Variants in GAB4 observed in about 807,000 individuals in gnomAD.
GAB4 encodes the protein GRB2 associated binding protein family member 4, also known as GRB2-associated-binding protein 4.
Under a neutral mutation model 51.3 loss-of-function variants are expected in GAB4, and 26 were observed. That is an observed-to-expected ratio of 0.51 (90% CI 0.37 to 0.70). The LOEUF (loss-of-function observed/expected upper bound fraction) is 0.70, where lower values mean the gene tolerates loss of function less well. GAB4 is among the 30% of genes least tolerant of loss of function. The pLI is 0.00. For missense variants in GAB4, 759 were observed against 734.6 expected, an observed-to-expected ratio of 1.03 and a Z score of -0.38; for synonymous variants, 329 against 291.2, an observed-to-expected ratio of 1.13 and a Z score of -1.32.
intron 3 of GAB4, among the ~76,000 whole-genome samples, chr22:16,977,253 C>T (rs1415585939): frequency 1.3e-5 from 2 of 151,746 alleles, no homozygotes; most frequent in African/African-American, 2.4e-5. Flanking sequence ...CAAGACCCAT[C>T]GGTGTGCTGT....
At chr22:16,992,269 G>A (rs2060920442) in intron 1 of GAB4, 93 bp from the exon 2 acceptor site, 1 of 1,109,964 alleles carries the variant, frequency 9.0e-7, no homozygotes. Context: ...ATGGGACTCG[G>A]ACCTGCACTC....
chr22:16,993,421 C>G (rs1373458382), intron 1 of GAB4, among the ~76,000 whole-genome samples: 2 of 152,210 alleles, frequency 1.3e-5, no homozygotes, highest in African/African-American at 4.8e-5. Flanking sequence ...TATCACAACT[C>G]TTTAGAACCC....
chr22:16,965,113 G>T, intron 7 of GAB4, 65 bp downstream of exon 7: 2 of 1,210,324 alleles, frequency 1.7e-6, no homozygotes, highest in South Asian at 1.3e-5. Flanking sequence ...ACAAGCCAAT[G>T]ACCATCCCAC....
chr22:16,962,904 T>A (rs1231968192), intron 9 of GAB4, 28 bp from the exon 10 acceptor site: 1 of 1,597,596 alleles, frequency 6.3e-7, no homozygotes, highest in South Asian at 1.1e-5. Context: ...GAAGTGGGAG[T>A]GGCAGTGTCT....
intron 1 of GAB4, among the ~76,000 whole-genome samples, chr22:17,002,853 T>C (rs1406346830): frequency 6.6e-6 from 1 of 152,102 alleles, no homozygotes; most frequent in Non-Finnish European, 1.5e-5. Context: ...TAAATGTAAA[T>C]GGGCTAAATG....
Position 16,962,725 on chromosome 22 carries a change from G to A in GAB4, c.*8C>T. 6.2e-7 allele frequency: 1 copy of A among 1,607,548 alleles called. No individual in the cohort carries two copies. The highest frequency in any genetic ancestry group is 8.5e-7 in the Non-Finnish European group (1 of 1,178,246). On this transcript the variant is annotated 3_prime_UTR_variant, in exon 10 of 10. Transcript: ENST00000400588. ...GTCCTGGCCCCACTCTGGTTTTGGT[G>A]GCCCGAGTCACAGCTTGGCGCCCCT...
intron 2 of GAB4, among the ~76,000 whole-genome samples, chr22:16,990,854 G>A (rs1331231709): frequency 6.6e-6 from 1 of 152,138 alleles, no homozygotes; most frequent in East Asian, 1.9e-4. Flanking sequence ...GATTCAGTAA[G>A]TCTGGAGTGG....
At chr22:16,990,382 T>C (rs1430442097) in intron 2 of GAB4, among the ~76,000 whole-genome samples, 1 of 152,272 alleles carries the variant, frequency 6.6e-6, no homozygotes, top group East Asian at 1.9e-4. Context: ...TCAAGCCCAG[T>C]GTGTAACACA....
chr22:16,962,848 T>C lies in GAB4; in HGVS notation c.1610A>G (p.Lys537Arg). The C allele has an allele frequency of 6.2e-7, 1 of 1,613,410 alleles. No homozygotes were observed. The highest frequency in any genetic ancestry group is 8.5e-7 in the Non-Finnish European group (1 of 1,179,706). ...ATCCACCTGGACATAGTCCACCTTC[T>C]TGCCGGACGTGACAGAGCCTATGGA... ...KPSIGSVTSG[K>R]KVDYVQVDLE... The change falls in exon 10 of 10, where the codon AAG becomes AGG. Residue 537 changes from lysine to arginine, a missense_variant. This residue lies in a region of GAB4 where 588 missense variants were observed against 510.2 expected (regional missense o/e 1.15). Coordinates refer to ENST00000400588, the MANE Select transcript of GAB4 (RefSeq NM_001037814.1).
chr22:16,969,804 T>C (rs958174537), intron 4 of GAB4, 139 bp downstream of exon 4: 22 of 1,068,898 alleles, frequency 2.1e-5, no homozygotes, highest in Middle Eastern at 2.7e-4. Context: ...CACCATGGCA[T>C]AGAGGTTCTT....
chr22:16,969,759 AG>A (rs2060713290), intron 4 of GAB4, 183 bp downstream of exon 4: 1 of 732,858 alleles, frequency 1.4e-6, no homozygotes, highest in Admixed American at 2.2e-5. Flanking sequence ...TGCCTTGGGC[AG>A]GGGAAGGGAG....
At chr22:16,980,763 C>A (rs971552496) in intron 3 of GAB4, among the ~76,000 whole-genome samples, 2 of 152,034 alleles carry the variant, frequency 1.3e-5, no homozygotes, top group African/African-American at 2.4e-5. Context: ...AACCTGGATG[C>A]CCCTCAATGA....
intron 1 of GAB4, among the ~76,000 whole-genome samples, chr22:16,998,627 T>C (rs1394537314): frequency 6.6e-6 from 1 of 152,246 alleles, no homozygotes; most frequent in African/African-American, 2.4e-5. Context: ...TCTAATTGAA[T>C]ACCCTTTATT....
intron 3 of GAB4, among the ~76,000 whole-genome samples, chr22:16,977,351 A>G (rs1477512374): frequency 6.6e-6 from 1 of 151,344 alleles, no homozygotes; most frequent in Non-Finnish European, 1.5e-5. Context: ...TGGAAAGCAA[A>G]AAAAAAAAAA....
intron 2 of GAB4, among the ~76,000 whole-genome samples, chr22:16,989,237 T>G (rs1384600158): frequency 6.6e-6 from 1 of 152,152 alleles, no homozygotes; most frequent in Non-Finnish European, 1.5e-5. Context: ...GGTCTACAGG[T>G]GTAATTTCAA....
At chr22:16,991,629 T>A (rs921621628) in intron 2 of GAB4, among the ~76,000 whole-genome samples, 5 of 151,750 alleles carry the variant, frequency 3.3e-5, no homozygotes, top group African/African-American at 1.2e-4. Context: ...GAAGGAGAGG[T>A]CTTCCCTACA....
rs61743993 is a variant in GAB4, at chr22:16,963,750, G to T, written c.1556C>A (p.Ala519Glu). The part of the protein sequence containing the change: ...PPRSTGNIHY[A>E]ALDFQPSKPS... Reference sequence around the variant, plus strand: ...CTTGCTCGGCTGGAAGTCCAGGGCCGCGTAGTGGATGTTACCAGTGCTCCT... The same window carrying T: ...CTTGCTCGGCTGGAAGTCCAGGGCCTCGTAGTGGATGTTACCAGTGCTCCT... Residue 519 changes from alanine (A) to glutamate (E), a missense_variant, in exon 9 of 10, where the codon GCG (alanine) becomes GAG (glutamate). Physicochemically the swap from Ala to Glu is moderately radical, Grantham distance 107 (BLOSUM62 -1). Transcript: ENST00000400588. 6.2e-7 allele frequency: 1 copy of T among 1,613,526 alleles called. No homozygotes were observed. Among genetic ancestry groups the T allele is most frequent in the African/African-American group, 1.3e-5 (1 of 74,910 alleles).
intron 3 of GAB4, among the ~76,000 whole-genome samples, chr22:16,986,772 T>A (rs982494257): frequency 1.3e-5 from 2 of 152,226 alleles, no homozygotes; most frequent in African/African-American, 4.8e-5. Context: ...ACACAGATCT[T>A]CATGTATCAG....
chr22:16,990,335 G>T (rs1382762582), intron 2 of GAB4, among the ~76,000 whole-genome samples: 3 of 152,176 alleles, frequency 2.0e-5, no homozygotes, highest in African/African-American at 7.2e-5. Flanking sequence ...TGAGGGCAGA[G>T]ATTTCATCTC....
Sources: gnomAD v4.1 joint callset for allele counts (sites outside exome capture counted in the v4.1 genomes callset) on GRCh38, gnomAD v4.1.1 for gene constraint, gnomAD v4.1.1 regional missense constraint, MANE v1.5 for transcripts, NCBI Gene and HGNC (gene_info 2026-07-23, HGNC 2026-07-21) for gene names.